Variants in NPAS2 observed in about 807,000 individuals in gnomAD.
NPAS2 encodes the protein neuronal PAS domain protein 2.
Under a neutral mutation model 107.5 loss-of-function variants are expected in NPAS2, and 23 were observed. That is an observed-to-expected ratio of 0.21 (90% CI 0.15 to 0.30). The LOEUF is 0.30. Among genes scored for constraint, NPAS2 ranks in the 10% least tolerant of loss-of-function variants. NPAS2 has a pLI of 1.00. For missense variants in NPAS2, 756 were observed against 1,043.3 expected (o/e 0.72, Z 3.79); for synonymous variants, 403 against 417.5 (o/e 0.97, Z 0.42).
chr2:100,929,140 A>G (rs956896517), intron 3 of NPAS2, among the ~76,000 whole-genome samples: 1 of 152,170 alleles, frequency 6.6e-6, no homozygotes, highest in Non-Finnish European at 1.5e-5. Context: ...CCTGGCCTCA[A>G]GTGATCTGCC....
At chr2:100,910,615 G>T (rs1364684303) in intron 2 of NPAS2, among the ~76,000 whole-genome samples, 1 of 150,686 alleles carries the variant, frequency 6.6e-6, no homozygotes, top group Non-Finnish European at 1.5e-5. Context: ...TGCAACCTCT[G>T]CCTCCTGGGT....
intron 6 of NPAS2, among the ~76,000 whole-genome samples, 162 bp from the exon 7 acceptor site, chr2:100,949,205 A>G (rs1265023330): frequency 6.6e-6 from 1 of 152,240 alleles, no homozygotes; most frequent in African/African-American, 2.4e-5. Flanking sequence ...ACCCCTGTGC[A>G]GCAAGGTTAC....
chr2:100,911,813 G>A (rs1443094761), intron 2 of NPAS2, among the ~76,000 whole-genome samples: 3 of 152,104 alleles, frequency 2.0e-5, no homozygotes, highest in Non-Finnish European at 4.4e-5. Context: ...TGTATTTTTA[G>A]TGGAGATGGG....
chr2:100,873,495 T>G (rs1679756498), intron 1 of NPAS2, among the ~76,000 whole-genome samples: 1 of 151,508 alleles, frequency 6.6e-6, no homozygotes, highest in Non-Finnish European at 1.5e-5. Context: ...ATATATTGTA[T>G]CCCTTTTTTT....
chr2:100,865,094 A>AT (rs1342239904), intron 1 of NPAS2, among the ~76,000 whole-genome samples: 2 of 152,208 alleles, frequency 1.3e-5, no homozygotes, highest in Admixed American at 6.5e-5. Context: ...AAAGACAGAT[A>AT]ATGTCTTGGC....
At chr2:100,850,250 G>A (rs1368764158) in intron 1 of NPAS2, among the ~76,000 whole-genome samples, 1 of 152,118 alleles carries the variant, frequency 6.6e-6, no homozygotes, top group African/African-American at 2.4e-5. Flanking sequence ...TTTTAAAACT[G>A]ATACTATAAT....
chr2:100,872,264 T>C (rs1679631796), intron 1 of NPAS2, among the ~76,000 whole-genome samples: 1 of 152,218 alleles, frequency 6.6e-6, no homozygotes, highest in South Asian at 2.1e-4. Context: ...GAATCCTTGC[T>C]CTGCACTGAC....
At chr2:100,923,843 G>A (rs1683394589) in intron 2 of NPAS2, among the ~76,000 whole-genome samples, 10 of 152,136 alleles carry the variant, frequency 6.6e-5, no homozygotes, top group Admixed American at 6.5e-4. Flanking sequence ...GAAGATGGAG[G>A]CCCCTCGAGT....
At chr2:100,993,174 C>A (rs1411765409) in intron 19 of NPAS2, among the ~76,000 whole-genome samples, 173 bp from the exon 20 acceptor site, 6 of 152,130 alleles carry the variant, frequency 3.9e-5, no homozygotes, top group African/African-American at 1.4e-4. Context: ...ACCTTGTGAT[C>A]CGCCTGCCTC....
intron 2 of NPAS2, among the ~76,000 whole-genome samples, chr2:100,914,587 T>G (rs1028123574): frequency 1.3e-5 from 2 of 152,176 alleles, no homozygotes; most frequent in Non-Finnish European, 2.9e-5. Flanking sequence ...AGAAATATGT[T>G]TCTTCAAGAG....
chr2:100,898,619 A>G (rs756814502), intron 1 of NPAS2, among the ~76,000 whole-genome samples: 19 of 152,238 alleles, frequency 1.2e-4, no homozygotes, highest in Admixed American at 3.3e-4. Flanking sequence ...AATGCTCAAT[A>G]TATTTCCAGA....
chr2:100,863,800 T>A (rs1310721222), intron 1 of NPAS2, among the ~76,000 whole-genome samples: 1 of 152,216 alleles, frequency 6.6e-6, no homozygotes, highest in Non-Finnish European at 1.5e-5. Context: ...CTAATGTATA[T>A]ATGTATATAA....
intron 2 of NPAS2, among the ~76,000 whole-genome samples, chr2:100,918,998 C>T (rs1205871667): frequency 6.6e-6 from 1 of 152,188 alleles, no homozygotes; most frequent in Admixed American, 6.5e-5. Context: ...CACATTTCCT[C>T]AATGGGTGAA....
rs556943308 is a variant in NPAS2, at chr2:100,971,860, A to G, written c.1140+786A>G. 4.4e-3 allele frequency among the ~76,000 whole-genome samples: 671 copies of G among 151,234 alleles called. 4 individuals carry two copies. Among genetic ancestry groups the G allele is most frequent in the African/African-American group, 0.016 (645 of 41,280 alleles). ...TAAAGCAGACACAAATGTTGGGAGA[A>G]AAAAAAAAGCAAGAAAGGGAGGGAG... On this transcript the variant is annotated intron_variant, in intron 12 of 20. Transcript: ENST00000335681.
intron 2 of NPAS2, among the ~76,000 whole-genome samples, chr2:100,910,826 C>G (rs1017383310): frequency 1.3e-5 from 2 of 152,164 alleles, no homozygotes; most frequent in African/African-American, 2.4e-5. Flanking sequence ...CCATGCCCAG[C>G]CTAATGTCTT....
chr2:100,919,087 A>T (rs979519485), intron 2 of NPAS2, among the ~76,000 whole-genome samples: 1 of 152,226 alleles, frequency 6.6e-6, no homozygotes, highest in African/African-American at 2.4e-5. Flanking sequence ...GACAGACACA[A>T]GTTGAATAAA....
rs1418661052 is a variant in NPAS2, at chr2:100,965,301, TAA to T, written c.801-358_801-357del. 6.6e-6 allele frequency among the ~76,000 whole-genome samples: 1 copy of T among 152,200 alleles called. No individual in the cohort carries two copies. Among genetic ancestry groups the T allele is most frequent in the Non-Finnish European group, 1.5e-5 (1 of 68,030 alleles). On this transcript the variant is annotated intron_variant, in intron 9 of 20. Coordinates refer to ENST00000335681, the MANE Select transcript of NPAS2 (RefSeq NM_002518.4). The surrounding 1 kb of genome is among the most constrained non-coding windows in gnomAD (Gnocchi z 4.3). ...AGCCCAATCTTTACTGTTTCTTTTGTAACATTATTTGCAGTTGAAGAACTCCA... is the reference window on the plus strand; with the variant it reads ...AGCCCAATCTTTACTGTTTCTTTTGTCATTATTTGCAGTTGAAGAACTCCA...
intron 13 of NPAS2, 82 bp downstream of exon 13, chr2:100,975,026 T>A: frequency 6.6e-7 from 1 of 1,503,784 alleles, no homozygotes; most frequent in Non-Finnish European, 9.1e-7. Context: ...CGGGCCCAAG[T>A]GGAATCAGGG....
Position 100,820,788 on chromosome 2 carries a change from G to A in NPAS2, c.-23+374G>A, listed in dbSNP as rs2104293785. ...GGCAACAGCTTTGGGGATTGCCCGT[G>A]GTTGTCTTCGAGACCCATCGCGCTA... On this transcript the variant is annotated intron_variant, in intron 1 of 20. Coordinates refer to ENST00000335681, the MANE Select transcript of NPAS2 (RefSeq NM_002518.4). The surrounding 1 kb of genome is among the most constrained non-coding windows in gnomAD (Gnocchi z 5.6). 6.6e-6 allele frequency among the ~76,000 whole-genome samples: 1 copy of A among 152,326 alleles called. No individual in the cohort carries two copies. Among genetic ancestry groups the A allele is most frequent in the South Asian group, 2.1e-4 (1 of 4,830 alleles).
Sources: allele counts gnomAD v4.1 joint callset (sites outside exome capture counted in the v4.1 genomes callset), GRCh38; gene constraint gnomAD v4.1.1; non-coding constraint Gnocchi (gnomAD v3.1); transcripts MANE v1.5; gene names NCBI Gene and HGNC (gene_info 2026-07-23, HGNC 2026-07-21).